Variants in PCDHGA2 observed in about 807,000 individuals in gnomAD.
PCDHGA2 encodes protocadherin gamma-A2.
PCDHGA2 carries 40 observed loss-of-function variants against 59.2 expected under a neutral mutation model. That is an observed-to-expected ratio of 0.68 (90% CI 0.52 to 0.88). The LOEUF is 0.88. Among genes scored for constraint, PCDHGA2 ranks in the 40% least tolerant of loss-of-function variants. The pLI is 0.00. For missense variants in PCDHGA2, 1,226 were observed against 1,204.0 expected, an observed-to-expected ratio of 1.02 and a Z score of -0.27; for synonymous variants, 560 against 526.0, an observed-to-expected ratio of 1.06 and a Z score of -0.89.
chr5:141,407,497 G>GTTTTTTTTTTTTTTTTTTTTTTTTTT (rs1554102286), intron 1 of PCDHGA2, among the ~76,000 whole-genome samples: 1 of 152,086 alleles, frequency 6.6e-6, no homozygotes, highest in African/African-American at 2.4e-5. Context: ...CTTTATTTCT[G>GTTTTTTTTTTTTTTTTTTTTTTTTTT]TTTTTCTTAG....
intron 1 of PCDHGA2, chr5:141,352,771 C>A (rs1480666897): frequency 8.1e-7 from 1 of 1,227,378 alleles, no homozygotes; most frequent in Non-Finnish European, 1.1e-6. Flanking sequence ...AGGTGGATCA[C>A]TTGAGGTCAG....
intron 1 of PCDHGA2, chr5:141,418,509 G>T: frequency 6.2e-7 from 1 of 1,613,986 alleles, no homozygotes; most frequent in Non-Finnish European, 8.5e-7. Flanking sequence ...GCCTTAGATG[G>T]TGGGGACCCT....
chr5:141,345,145 T>A (rs772716548), intron 1 of PCDHGA2: 1 of 1,614,002 alleles, frequency 6.2e-7, no homozygotes, highest in Non-Finnish European at 8.5e-7. Flanking sequence ...CTTATCGACG[T>A]GCATGACCGA....
chr5:141,492,220 C>T (rs1388948434), intron 1 of PCDHGA2, among the ~76,000 whole-genome samples: 2 of 152,190 alleles, frequency 1.3e-5, no homozygotes, highest in Non-Finnish European at 1.5e-5. Context: ...GGGGCTCATG[C>T]GTGTCCTCCC....
At chr5:141,424,129 T>G in intron 1 of PCDHGA2, 1 of 492,066 alleles carries the variant, frequency 2.0e-6, no homozygotes, top group Non-Finnish European at 2.7e-6. Context: ...TCCTGTTGAT[T>G]TAATAGCATG....
At chr5:141,399,708 A>C (rs769072460) in intron 1 of PCDHGA2, 50 of 1,613,374 alleles carry the variant, frequency 3.1e-5, no homozygotes, top group Non-Finnish European at 4.2e-5. Context: ...TCGAACTCAC[A>C]CTACAGGCCC....
At chr5:141,411,215 A>C (rs1202378654) in intron 1 of PCDHGA2, 1 of 152,270 alleles carries the variant, frequency 6.6e-6, no homozygotes, top group Non-Finnish European at 1.5e-5. Context: ...TAACCTATCT[A>C]TTCAAATTTG....
chr5:141,372,217 T>A (rs1267940459), intron 1 of PCDHGA2: 1 of 1,613,564 alleles, frequency 6.2e-7, no homozygotes, highest in Admixed American at 1.7e-5. Context: ...TCCTACCACA[T>A]TGTGCAGGCC....
At position 141,419,393 on chromosome 5, in the gene PCDHGA2, G is replaced by C; in HGVS notation, c.2425-75414G>C. On this transcript the variant is annotated intron_variant, in intron 1 of 3. Transcript: ENST00000394576. ...CTACGTGTCCGTGAGCGCGCAGAGC[G>C]GGGTGGTGTTCGCGCAGCGCGCCTT... 1.2e-6 allele frequency: 2 copies of C among 1,613,620 alleles called. No homozygotes were observed. The highest frequency in any genetic ancestry group is 1.7e-6 in the Non-Finnish European group (2 of 1,179,912).
At position 141,357,279 on chromosome 5, in the gene PCDHGA2, C is replaced by A; in HGVS notation, c.2424+15884C>A. The A allele has an allele frequency of 1.2e-6, 2 of 1,613,878 alleles. 1 individual carries two copies. The highest frequency in any genetic ancestry group is 4.5e-5 in the East Asian group (2 of 44,878). On this transcript the variant is annotated intron_variant, in intron 1 of 3. Transcript: ENST00000394576. ...ACGACTCGGGCCTCACACTCTATCT[C>A]GTGGTGGCAGTGGCCGCTGTCTCCT...
At position 141,491,969 on chromosome 5, in the gene PCDHGA2, C is replaced by A; in HGVS notation, c.2425-2838C>A. ...CCCCTACACTCAAAAAAGGCCGGGGCCTCCTTCGAGCTTCCGGTGAATTTC... is the reference window on the plus strand; with the variant it reads ...CCCCTACACTCAAAAAAGGCCGGGGACTCCTTCGAGCTTCCGGTGAATTTC... On this transcript the variant is annotated intron_variant, in intron 1 of 3. Coordinates refer to ENST00000394576, the MANE Select transcript of PCDHGA2 (RefSeq NM_018915.4). The surrounding 1 kb of genome is among the most constrained non-coding windows in gnomAD (Gnocchi z 6.9). 1 of 898,714 alleles carries A rather than the reference C, an allele frequency of 1.1e-6. No individual in the cohort carries two copies. Among genetic ancestry groups the A allele is most frequent in the Non-Finnish European group, 1.6e-6 (1 of 629,384 alleles). 55.7% of individuals were successfully genotyped at this position (898,714 alleles called of 1,614,324 possible). A position where few individuals can be genotyped will look rare whatever the true frequency, so the allele number is the denominator to read the frequency against.
intron 1 of PCDHGA2, among the ~76,000 whole-genome samples, chr5:141,424,839 A>G (rs1264853498): frequency 6.6e-6 from 1 of 152,198 alleles, no homozygotes; most frequent in Non-Finnish European, 1.5e-5. Context: ...CATACATGTT[A>G]TCTGAAGCAA....
At chr5:141,395,177 T>C in intron 1 of PCDHGA2, 2 of 1,614,120 alleles carry the variant, frequency 1.2e-6, no homozygotes, top group South Asian at 2.2e-5. Flanking sequence ...GTGAGAAAAA[T>C]GATTCTTTGT....
chr5:141,433,220 T>A (rs781745522), intron 1 of PCDHGA2: 2 of 1,509,720 alleles, frequency 1.3e-6, no homozygotes, highest in Non-Finnish European at 1.8e-6. Flanking sequence ...TTTTTTTTTT[T>A]AATTGCTCTG....
At chr5:141,415,739 G>GTT (rs1561759437) in intron 1 of PCDHGA2, 11 of 435,132 alleles carry the variant, frequency 2.5e-5, no homozygotes, top group African/African-American at 1.6e-4. Flanking sequence ...TGTTTATTAA[G>GTT]GTTTTTTTTT....
At chr5:141,403,507 A>G (rs373170550) in intron 1 of PCDHGA2, 1 of 1,614,006 alleles carries the variant, frequency 6.2e-7, no homozygotes, top group Non-Finnish European at 8.5e-7. Context: ...TGCAGACTGG[A>G]GACAATGGAG....
At position 141,357,349 on chromosome 5, in the gene PCDHGA2, A is replaced by G. The variant is rs1400036867; in HGVS notation, c.2424+15954A>G. ...CACGGTGCTGCTAGCACTCAAGCTGAGACGCTGGCACAAGTCACGCCTGCT... is the reference window on the plus strand; with the variant it reads ...CACGGTGCTGCTAGCACTCAAGCTGGGACGCTGGCACAAGTCACGCCTGCT... On this transcript the variant is annotated intron_variant, in intron 1 of 3. Coordinates refer to ENST00000394576, the MANE Select transcript of PCDHGA2 (RefSeq NM_018915.4). 2.5e-6 allele frequency: 4 copies of G among 1,614,000 alleles called. No homozygotes were observed. In the African/African-American group the frequency reaches 4.0e-5, roughly 16 times the overall value.
chr5:141,348,015 C>T (rs941170877), intron 1 of PCDHGA2, among the ~76,000 whole-genome samples: 1 of 152,164 alleles, frequency 6.6e-6, no homozygotes, highest in African/African-American at 2.4e-5. Flanking sequence ...CGGGAGATTT[C>T]CAGACAATCT....
At chr5:141,408,301 C>G in intron 1 of PCDHGA2, 1 of 1,613,756 alleles carries the variant, frequency 6.2e-7, no homozygotes, top group Non-Finnish European at 8.5e-7. Context: ...GTGAGCCGAT[C>G]CGCTACTCGA....
Sources: allele counts gnomAD v4.1 joint callset (sites outside exome capture counted in the v4.1 genomes callset), GRCh38; gene constraint gnomAD v4.1.1; non-coding constraint Gnocchi (gnomAD v3.1); transcripts MANE v1.5; gene names NCBI Gene and HGNC (gene_info 2026-07-23, HGNC 2026-07-21).